BTN3A2: variants seen among roughly 807,000 people sequenced by gnomAD.
BTN3A2 encodes butyrophilin subfamily 3 member A2.
In BTN3A2, 25 loss-of-function variants were observed where a neutral mutation model predicts 37.6. The observed-to-expected ratio is 0.66, with a 90% CI of 0.48 to 0.93. The LOEUF (loss-of-function observed/expected upper bound fraction) is 0.93. Among genes scored for constraint, BTN3A2 ranks in the 40% least tolerant of loss-of-function variants. The probability of loss-of-function intolerance (pLI) is 0.00; values close to 1 mark genes in which losing one functional copy is unlikely to be tolerated. For missense variants in BTN3A2, 266 were observed against 410.9 expected, an observed-to-expected ratio of 0.65 and a Z score of 3.05; for synonymous variants, 122 against 159.4, an observed-to-expected ratio of 0.77 and a Z score of 1.77.
Position 26,373,117 on chromosome 6 carries a change from A to T in BTN3A2, c.916+20A>T. 1 of 1,612,166 alleles carries T rather than the reference A, an allele frequency of 6.2e-7. No individual in the cohort carries two copies. Among genetic ancestry groups the T allele is most frequent in the African/African-American group, 1.3e-5 (1 of 74,984 alleles). ...TAAGAGGTATCCAACGCAAGCAGAG[A>T]ATCTAAGCTCTTGGCTTGCATGCCC... On this transcript the variant is annotated intron_variant, in intron 6 of 10. Coordinates refer to ENST00000377708, the MANE Select transcript of BTN3A2 (RefSeq NM_007047.5).
intron 4 of BTN3A2, 56 bp from the exon 5 acceptor site, chr6:26,370,266 A>G: frequency 6.4e-7 from 1 of 1,566,370 alleles, no homozygotes. Context: ...ATTCCCATTG[A>G]GACCCTCCCT....
At chr6:26,369,273 C>T (rs1475857686) in intron 4 of BTN3A2, among the ~76,000 whole-genome samples, 2 of 152,192 alleles carry the variant, frequency 1.3e-5, no homozygotes, top group Non-Finnish European at 2.9e-5. Context: ...GTGCACACTA[C>T]CATGGGTCCT....
At chr6:26,370,261 C>T in intron 4 of BTN3A2, 61 bp from the exon 5 acceptor site, 1 of 1,552,568 alleles carries the variant, frequency 6.4e-7, no homozygotes, top group South Asian at 1.1e-5. Flanking sequence ...CATTGATTCC[C>T]ATTGAGACCC....
intron 3 of BTN3A2, 119 bp downstream of exon 3, chr6:26,368,386 C>T: frequency 6.5e-7 from 1 of 1,527,596 alleles, no homozygotes; most frequent in Non-Finnish European, 9.0e-7. Context: ...CATTCCCATA[C>T]CTGGAAGTCC....
chr6:26,372,609 G>T, intron 5 of BTN3A2: 1 of 382,632 alleles, frequency 2.6e-6, no homozygotes, highest in Non-Finnish European at 4.8e-6. Flanking sequence ...CGATGTAAAT[G>T]TGTTACCTAT....
At position 26,369,495 on chromosome 6, in the gene BTN3A2, G is replaced by T. The variant is rs372170001; in HGVS notation, c.433+583G>T. ...GTGTTAGGGGATTGGGGCCGGGGGAGTTCATAGACTTAGCCCTCTGCTCTG... is the reference window on the plus strand; with the variant it reads ...GTGTTAGGGGATTGGGGCCGGGGGATTTCATAGACTTAGCCCTCTGCTCTG... On this transcript the variant is annotated intron_variant, in intron 4 of 10. Coordinates refer to ENST00000377708, the MANE Select transcript of BTN3A2 (RefSeq NM_007047.5). Among the ~76,000 whole-genome samples, 14 of 152,320 alleles carry T rather than the reference G, an allele frequency of 9.2e-5. No homozygotes were observed. In the East Asian group the frequency reaches 1.5e-3, roughly 17 times the overall value.
In BTN3A2 at chr6:26,377,717, A is replaced by C; in HGVS notation, c.*1955A>C. 5.6e-6 allele frequency: 1 copy of C among 177,648 alleles called. No individual in the cohort carries two copies. The highest frequency in any genetic ancestry group is 1.2e-4 in the South Asian group (1 of 8,370). 11.0% of individuals were successfully genotyped at this position (177,648 alleles called of 1,614,324 possible). ...TTTTTCCTGCATGGGAAGAGCCCAC[A>C]TGTAGCCCTGAGGTTCCCTTCCCAG... is the stretch of plus-strand genomic sequence containing the variant. On this transcript the variant is annotated 3_prime_UTR_variant, in exon 11 of 11. Coordinates refer to ENST00000377708, the MANE Select transcript of BTN3A2 (RefSeq NM_007047.5).
chr6:26,374,375 T>C lies in BTN3A2; in HGVS notation c.*6+2T>C. ...ACCAATAAGTCAGCCTGATGCTCTGTAAGTTTGCTGGGTCACATGCCCTGA... is the reference window on the plus strand; with the variant it reads ...ACCAATAAGTCAGCCTGATGCTCTGCAAGTTTGCTGGGTCACATGCCCTGA... On this transcript the variant is annotated splice_donor_variant, in intron 9 of 10. Coordinates refer to ENST00000377708, the MANE Select transcript of BTN3A2 (RefSeq NM_007047.5). LOFTEE classifies it low-confidence loss of function (3UTR_SPLICE). The C allele has an allele frequency of 6.2e-7, 1 of 1,613,606 alleles. No individual in the cohort carries two copies. Among genetic ancestry groups the C allele is most frequent in the South Asian group, 1.1e-5 (1 of 91,072 alleles).
At chr6:26,372,828 C>T in intron 5 of BTN3A2, 69 bp from the exon 6 acceptor site, 2 of 1,585,488 alleles carry the variant, frequency 1.3e-6, no homozygotes, top group South Asian at 1.1e-5. Context: ...GCAGCTAAAG[C>T]TTGGGGTGCT....
Position 26,370,317 on chromosome 6 carries a change from C to G in BTN3A2, c.434-5C>G. On this transcript the variant is annotated splice_region_variant and splice_polypyrimidine_tract_variant and intron_variant, in intron 4 of 10. Coordinates refer to ENST00000377708, the MANE Select transcript of BTN3A2 (RefSeq NM_007047.5). ...CAGAATTTAGGCCAAATTATCCTTCCACAGCACTGGGTTCTAATCTTCACG... is the reference window on the plus strand; with the variant it reads ...CAGAATTTAGGCCAAATTATCCTTCGACAGCACTGGGTTCTAATCTTCACG... The G allele has an allele frequency of 6.2e-7, 1 of 1,613,524 alleles. No homozygotes were observed. The highest frequency in any genetic ancestry group is 1.3e-5 in the African/African-American group (1 of 75,036).
chr6:26,371,544 TG>T (rs1561805136), intron 5 of BTN3A2, among the ~76,000 whole-genome samples: 1 of 152,242 alleles, frequency 6.6e-6, no homozygotes, highest in African/African-American at 2.4e-5. Context: ...CAACCTCTGT[TG>T]GGGGCTCTAT....
At chr6:26,374,472 T>A in intron 9 of BTN3A2, 99 bp downstream of exon 9, 1 of 1,320,718 alleles carries the variant, frequency 7.6e-7, no homozygotes, top group Non-Finnish European at 1.1e-6. Flanking sequence ...ATCTAAAGAC[T>A]CAATTTCTGT....
intron 9 of BTN3A2, 39 bp from the exon 10 acceptor site, chr6:26,374,732 A>T (rs935561016): frequency 6.6e-7 from 1 of 1,511,872 alleles, no homozygotes; most frequent in Non-Finnish European, 9.1e-7. Context: ...AAGTACAAAA[A>T]TACTGACCTT....
In BTN3A2 at chr6:26,374,390, A is replaced by C. The variant is rs1292204783; in HGVS notation, c.*6+17A>C. The C allele has an allele frequency of 8.7e-6, 14 of 1,610,876 alleles. No individual in the cohort carries two copies. In the Admixed American group the frequency reaches 2.3e-4, roughly 27 times the overall value. ...TGATGCTCTGTAAGTTTGCTGGGTC[A>C]CATGCCCTGAATATTTCAACTTTTT... On this transcript the variant is annotated intron_variant, in intron 9 of 10. Coordinates refer to ENST00000377708, the MANE Select transcript of BTN3A2 (RefSeq NM_007047.5).
chr6:26,374,496 A>G (rs971038157), intron 9 of BTN3A2, 123 bp downstream of exon 9: 4 of 1,114,208 alleles, frequency 3.6e-6, no homozygotes, highest in Non-Finnish European at 5.3e-6. Context: ...GTGGGGGTTC[A>G]CCTCCGCTTT....
At chr6:26,372,741 A>G (rs1760237221) in intron 5 of BTN3A2, 156 bp from the exon 6 acceptor site, 1 of 829,726 alleles carries the variant, frequency 1.2e-6, no homozygotes, top group Non-Finnish European at 1.8e-6. Context: ...AGTCTTATCT[A>G]TAGTCCTCTG....
At chr6:26,373,899 G>C in intron 8 of BTN3A2, 1 of 181,470 alleles carries the variant, frequency 5.5e-6, no homozygotes, top group Non-Finnish European at 1.1e-5. Flanking sequence ...GATCATAACT[G>C]CTTTCAAAAA....
At chr6:26,371,994 A>G (rs532528046) in intron 5 of BTN3A2, among the ~76,000 whole-genome samples, 2 of 152,310 alleles carry the variant, frequency 1.3e-5, no homozygotes, top group Non-Finnish European at 2.9e-5. Context: ...AAGGTTTCTT[A>G]TAGCACTGAT....
In BTN3A2 at chr6:26,373,027, T is replaced by C. The variant is rs760786726; in HGVS notation, c.846T>C (p.Ser282=). The change falls in exon 6 of 11, where the codon AGT becomes AGC. Residue 282 remains serine, a synonymous_variant. Coordinates refer to ENST00000377708, the MANE Select transcript of BTN3A2 (RefSeq NM_007047.5). ...AGAAGGAAATAACTGCTCTGTCCAGTGAGATAGAAAGTGAGCAAGAGATGA... is the reference window on the plus strand; with the variant it reads ...AGAAGGAAATAACTGCTCTGTCCAGCGAGATAGAAAGTGAGCAAGAGATGA... The part of the protein sequence containing the change: ...RQQKEITALS[S]EIESEQEMKE... 1.1e-5 allele frequency: 17 copies of C among 1,613,876 alleles called. No homozygotes were observed. Among genetic ancestry groups the C allele is most frequent in the South Asian group, 9.9e-5 (9 of 91,074 alleles).
Sources: gnomAD v4.1 joint callset for allele counts (sites outside exome capture counted in the v4.1 genomes callset) on GRCh38, gnomAD v4.1.1 for gene constraint, MANE v1.5 for transcripts, NCBI Gene and HGNC (gene_info 2026-07-23, HGNC 2026-07-21) for gene names.